DOK6: variants seen among roughly 807,000 people sequenced by gnomAD.
DOK6 encodes docking protein 6.
In DOK6, 22 loss-of-function variants were observed where a neutral mutation model predicts 44.0. That is an observed-to-expected ratio of 0.50 (90% CI 0.36 to 0.71). The LOEUF (loss-of-function observed/expected upper bound fraction) is 0.71, where lower values mean the gene tolerates loss of function less well. Ranked by LOEUF, DOK6 falls within the 30% of genes least tolerant of loss-of-function variation. DOK6 has a pLI of 0.00. For missense variants in DOK6, 340 were observed against 416.4 expected (o/e 0.82, Z 1.60); for synonymous variants, 166 against 145.5 (o/e 1.14, Z -1.01).
At chr18:69,733,244 T>C (rs1260638581) in intron 5 of DOK6, among the ~76,000 whole-genome samples, 1 of 152,208 alleles carries the variant, frequency 6.6e-6, no homozygotes, top group Non-Finnish European at 1.5e-5. Flanking sequence ...ACTTTCCTTA[T>C]TATTTATGTA....
At chr18:69,608,028 GT>G (rs1250849441) in intron 3 of DOK6, among the ~76,000 whole-genome samples, 1 of 152,054 alleles carries the variant, frequency 6.6e-6, no homozygotes, top group Non-Finnish European at 1.5e-5. Context: ...TGGCAAAATT[GT>G]TTTTTTAAGA....
At chr18:69,417,568 G>A (rs1978372781) in intron 1 of DOK6, among the ~76,000 whole-genome samples, 1 of 151,826 alleles carries the variant, frequency 6.6e-6, no homozygotes, top group East Asian at 1.9e-4. Flanking sequence ...CCTTTCTTTT[G>A]TATATATACC....
At chr18:69,827,370 G>A (rs542681479) in intron 7 of DOK6, among the ~76,000 whole-genome samples, 28 of 152,164 alleles carry the variant, frequency 1.8e-4, no homozygotes, top group African/African-American at 6.7e-4. Flanking sequence ...CCTTATAAGA[G>A]TGACAAAGGG....
chr18:69,709,283 T>A (rs1676701956), intron 5 of DOK6, among the ~76,000 whole-genome samples: 1 of 152,184 alleles, frequency 6.6e-6, no homozygotes, highest in South Asian at 2.1e-4. Context: ...GAAACTATTA[T>A]TTTTAAATTA....
chr18:69,532,926 A>C (rs1016853892), intron 1 of DOK6: 2 of 152,152 alleles, frequency 1.3e-5, no homozygotes, highest in African/African-American at 4.8e-5. Context: ...TGGTGGATAA[A>C]TTTTTGTCAA....
intron 5 of DOK6, among the ~76,000 whole-genome samples, chr18:69,709,334 A>G (rs1054283930): frequency 1.3e-5 from 2 of 152,166 alleles, no homozygotes; most frequent in African/African-American, 4.8e-5. Flanking sequence ...AAATGAAAAT[A>G]TGTTTCATTC....
chr18:69,671,106 C>T (rs1022436443), intron 3 of DOK6, among the ~76,000 whole-genome samples: 6 of 152,104 alleles, frequency 3.9e-5, no homozygotes, highest in Non-Finnish European at 5.9e-5. Context: ...TTGTGTCATT[C>T]ACTAACCTCC....
At chr18:69,488,142 C>T (rs1014177740) in intron 1 of DOK6, among the ~76,000 whole-genome samples, 2 of 152,140 alleles carry the variant, frequency 1.3e-5, no homozygotes, top group Admixed American at 1.3e-4. Flanking sequence ...TCTATGACCT[C>T]TTCTTGTGCT....
At chr18:69,587,306 G>T (rs1490095130) in intron 2 of DOK6, among the ~76,000 whole-genome samples, 2 of 152,130 alleles carry the variant, frequency 1.3e-5, no homozygotes, top group African/African-American at 4.8e-5. Context: ...TCAGCATCCA[G>T]TGGTTCCAGG....
intron 4 of DOK6, among the ~76,000 whole-genome samples, chr18:69,694,114 G>A (rs1350053564): frequency 6.8e-6 from 1 of 147,168 alleles, no homozygotes; most frequent in Non-Finnish European, 1.5e-5. Flanking sequence ...AAACTCACTG[G>A]CTGACAGGGA....
At chr18:69,475,691 A>G (rs557692277) in intron 1 of DOK6, among the ~76,000 whole-genome samples, 1 of 152,274 alleles carries the variant, frequency 6.6e-6, no homozygotes, top group Admixed American at 6.5e-5. Flanking sequence ...TTGTTCATAG[A>G]TATCTTGAAA....
At chr18:69,685,925 TATTTTGTGGGCTGA>T (rs1289994068) in intron 4 of DOK6, among the ~76,000 whole-genome samples, 5 of 152,196 alleles carry the variant, frequency 3.3e-5, no homozygotes, top group Admixed American at 3.3e-4. Flanking sequence ...CTCTTTTCTG[TATTTTGTGGGCTGA>T]ATTTTGTTTC....
intron 7 of DOK6, among the ~76,000 whole-genome samples, chr18:69,790,376 A>G (rs1302891190): frequency 6.6e-6 from 1 of 152,092 alleles, no homozygotes; most frequent in African/African-American, 2.4e-5. Flanking sequence ...GCACGTGTAT[A>G]CCTTTGTAAC....
chr18:69,575,027 G>A (rs1983206657), intron 2 of DOK6, among the ~76,000 whole-genome samples: 1 of 152,040 alleles, frequency 6.6e-6, no homozygotes, highest in African/African-American at 2.4e-5. Context: ...ACACCCTTCA[G>A]GCCATGGTGA....
Position 69,632,529 on chromosome 18 carries a change from C to A in DOK6, c.289+33031C>A, listed in dbSNP as rs549571752. ...CAGAATACTGTATATAGGAAGGAACCTGGGTCCACCTCCCCACACGGGTAC... is the reference window on the plus strand; with the variant it reads ...CAGAATACTGTATATAGGAAGGAACATGGGTCCACCTCCCCACACGGGTAC... On this transcript the variant is annotated intron_variant, in intron 3 of 7. Coordinates refer to ENST00000382713, the MANE Select transcript of DOK6 (RefSeq NM_152721.6). Among the ~76,000 whole-genome samples, 4 of 152,148 alleles carry A rather than the reference C, an allele frequency of 2.6e-5. No homozygotes were observed. The East Asian group carries it at 7.7e-4, about 29-fold the overall frequency.
At chr18:69,466,408 C>T (rs1046466740) in intron 1 of DOK6, among the ~76,000 whole-genome samples, 4 of 152,052 alleles carry the variant, frequency 2.6e-5, no homozygotes, top group Non-Finnish European at 5.9e-5. Context: ...ATTATCCGTT[C>T]TTTCATCAAT....
intron 5 of DOK6, among the ~76,000 whole-genome samples, chr18:69,726,801 G>T (rs1978310569): frequency 6.6e-6 from 1 of 151,264 alleles, no homozygotes; most frequent in Non-Finnish European, 1.5e-5. Flanking sequence ...GTCCTCACAT[G>T]GTAGATGGGC....
At chr18:69,755,677 G>A (rs957881497) in intron 6 of DOK6, among the ~76,000 whole-genome samples, 1 of 152,228 alleles carries the variant, frequency 6.6e-6, no homozygotes, top group Non-Finnish European at 1.5e-5. Flanking sequence ...ATATGAGGGT[G>A]TAATGCACGT....
chr18:69,520,291 T>C (rs1981649757), intron 1 of DOK6, among the ~76,000 whole-genome samples: 1 of 150,874 alleles, frequency 6.6e-6, no homozygotes, highest in Non-Finnish European at 1.5e-5. Flanking sequence ...AAATATACAG[T>C]GCACTGTTGG....
Sources: gnomAD v4.1 joint callset for allele counts (sites outside exome capture counted in the v4.1 genomes callset) on GRCh38, gnomAD v4.1.1 for gene constraint, MANE v1.5 for transcripts, NCBI Gene and HGNC (gene_info 2026-07-23, HGNC 2026-07-21) for gene names.